Variants in NAV2 observed in about 807,000 individuals in gnomAD.
NAV2 encodes helicase, APC down-regulated 1.
In NAV2, 54 loss-of-function variants were observed where a neutral mutation model predicts 223.2. The observed-to-expected ratio is 0.24, with a 90% confidence interval of 0.19 to 0.30. The LOEUF is 0.30. Ranked by LOEUF, NAV2 falls within the 10% of genes least tolerant of loss-of-function variation. The probability of loss-of-function intolerance (pLI) is 1.00; values close to 1 mark genes in which losing one functional copy is unlikely to be tolerated. For synonymous variants in NAV2, 1,279 were observed against 1,239.3 expected (o/e 1.03, Z -0.67); for missense variants, 2,806 against 3,147.5 (o/e 0.89, Z 2.60).
intron 10 of NAV2, among the ~76,000 whole-genome samples, chr11:19,961,040 T>A (rs2048319409): frequency 6.6e-6 from 1 of 152,144 alleles, no homozygotes; most frequent in Non-Finnish European, 1.5e-5. Context: ...CCCCCCTGTT[T>A]TTCCTGCTAA....
At chr11:20,110,791 C>G (rs1176598598) in intron 36 of NAV2, among the ~76,000 whole-genome samples, 1 of 152,216 alleles carries the variant, frequency 6.6e-6, no homozygotes, top group African/African-American at 2.4e-5. Context: ...CACACCTACT[C>G]TAGGGTCACC....
chr11:19,638,022 C>G (rs1480927450), intron 1 of NAV2, among the ~76,000 whole-genome samples: 1 of 152,196 alleles, frequency 6.6e-6, no homozygotes, highest in African/African-American at 2.4e-5. Flanking sequence ...ATCTAAAATA[C>G]TCAGGGTAAC....
At chr11:19,923,407 A>T (rs2044452473) in intron 6 of NAV2, among the ~76,000 whole-genome samples, 1 of 151,224 alleles carries the variant, frequency 6.6e-6, no homozygotes, top group Non-Finnish European at 1.5e-5. Context: ...AAATTATTTG[A>T]CTACTATTTA....
intron 1 of NAV2, among the ~76,000 whole-genome samples, chr11:19,579,029 G>T (rs1291272862): frequency 6.6e-6 from 1 of 152,190 alleles, no homozygotes; most frequent in African/African-American, 2.4e-5. Flanking sequence ...TCAGTGCAAT[G>T]TGTACAAGTA....
At chr11:19,476,727 CT>C (rs1326277568) in intron 1 of NAV2, among the ~76,000 whole-genome samples, 1 of 152,226 alleles carries the variant, frequency 6.6e-6, no homozygotes, top group African/African-American at 2.4e-5. Flanking sequence ...AATGAATTTA[CT>C]AGGAAAGCCT....
At chr11:19,630,819 T>C (rs2047319942) in intron 1 of NAV2, among the ~76,000 whole-genome samples, 1 of 150,068 alleles carries the variant, frequency 6.7e-6, no homozygotes, top group Admixed American at 6.7e-5. Flanking sequence ...GAGGCTGCAG[T>C]GAGCCGAGAT....
chr11:19,509,789 T>C (rs528918528), intron 1 of NAV2, among the ~76,000 whole-genome samples: 2 of 152,236 alleles, frequency 1.3e-5, no homozygotes, highest in African/African-American at 4.8e-5. Flanking sequence ...TCTAATGCAC[T>C]GGGCAGTTGA....
chr11:19,434,365 G>T (rs1353254761), intron 1 of NAV2, among the ~76,000 whole-genome samples: 1 of 152,196 alleles, frequency 6.6e-6, no homozygotes, highest in Non-Finnish European at 1.5e-5. Flanking sequence ...AGGTGATGGA[G>T]AACTGAAGCA....
intron 29 of NAV2, 39 bp downstream of exon 29, chr11:20,093,238 C>A: frequency 7.2e-7 from 1 of 1,386,988 alleles, no homozygotes; most frequent in Non-Finnish European, 1.0e-6. Context: ...CTGTCCCTCC[C>A]CCAGGTAGAA....
intron 1 of NAV2, among the ~76,000 whole-genome samples, chr11:19,759,350 TG>T (rs1292693563): frequency 1.3e-5 from 2 of 152,270 alleles, no homozygotes; most frequent in South Asian, 2.1e-4. Context: ...CCCAAAGTGC[TG>T]GGATTACAGG....
At chr11:20,023,493 C>G (rs939261706) in intron 11 of NAV2, among the ~76,000 whole-genome samples, 2 of 152,106 alleles carry the variant, frequency 1.3e-5, no homozygotes, top group African/African-American at 4.8e-5. Context: ...GGGTATTGAT[C>G]ACCTAGCTGT....
At chr11:19,691,908 G>T (rs751035347) in intron 1 of NAV2, among the ~76,000 whole-genome samples, 2 of 152,228 alleles carry the variant, frequency 1.3e-5, no homozygotes, top group African/African-American at 2.4e-5. Flanking sequence ...ATGCTTGAAG[G>T]CCTGTGTGTT....
chr11:19,859,617 G>A (rs1181895331), intron 3 of NAV2, among the ~76,000 whole-genome samples: 1 of 151,734 alleles, frequency 6.6e-6, no homozygotes. Flanking sequence ...CCACAAAACC[G>A]CCATCGTCAT....
chr11:19,457,990 C>T (rs1171011932), intron 1 of NAV2, among the ~76,000 whole-genome samples: 2 of 152,164 alleles, frequency 1.3e-5, no homozygotes, highest in African/African-American at 4.8e-5. Context: ...CTTCCAAGCC[C>T]AGTTGCCACT....
chr11:19,773,999 C>A (rs912909220), intron 1 of NAV2, among the ~76,000 whole-genome samples: 1 of 152,134 alleles, frequency 6.6e-6, no homozygotes, highest in African/African-American at 2.4e-5. Flanking sequence ...CCCAGCCTAC[C>A]AAATAACCCC....
At chr11:19,907,640 A>G (rs779467764) in intron 6 of NAV2, among the ~76,000 whole-genome samples, 5 of 152,220 alleles carry the variant, frequency 3.3e-5, no homozygotes, top group African/African-American at 1.2e-4. Context: ...ACGAAAGAAG[A>G]TACATCTTTT....
In NAV2 at chr11:19,560,820, A is replaced by G. The variant is rs565148839; in HGVS notation, c.75+209793A>G. On this transcript the variant is annotated intron_variant, in intron 1 of 37. Transcript: ENST00000360655. ...AGTAGACCAGATAGAAGAAATGCTC[A>G]TGTCAGTACACACTAAGTGGGCAAG... Among the ~76,000 whole-genome samples the G allele has an allele frequency of 2.0e-5, 3 of 152,342 alleles. No individual in the cohort carries two copies. The East Asian group carries it at 5.8e-4, about 29-fold the overall frequency.
intron 1 of NAV2, among the ~76,000 whole-genome samples, chr11:19,575,141 G>T (rs1182505947): frequency 1.3e-5 from 2 of 152,212 alleles, no homozygotes; most frequent in Non-Finnish European, 2.9e-5. Context: ...TTAATTTGCT[G>T]CAACTGGCAG....
intron 3 of NAV2, among the ~76,000 whole-genome samples, chr11:19,847,369 C>G: frequency 6.6e-6 from 1 of 152,110 alleles, no homozygotes; most frequent in South Asian, 2.1e-4. Flanking sequence ...GCAAAAAAGC[C>G]CCAGGCCTGC....
Sources: allele counts gnomAD v4.1 joint callset (sites outside exome capture counted in the v4.1 genomes callset), GRCh38; gene constraint gnomAD v4.1.1; transcripts MANE v1.5; gene names NCBI Gene and HGNC (gene_info 2026-07-23, HGNC 2026-07-21).